KCND2: variants seen among roughly 807,000 people sequenced by gnomAD.
KCND2 encodes A-type voltage-gated potassium channel KCND2.
A neutral mutation model predicts 54.4 loss-of-function variants in KCND2; 16 were observed. That is an observed-to-expected ratio of 0.29 (90% CI 0.20 to 0.45). The LOEUF (loss-of-function observed/expected upper bound fraction) is 0.45. Among genes scored for constraint, KCND2 ranks in the 20% least tolerant of loss-of-function variants. The pLI, the probability that KCND2 is intolerant of heterozygous loss-of-function variation, is 1.00. For synonymous variants in KCND2, 317 were observed against 310.7 expected (o/e 1.02, Z -0.21); for missense variants, 486 against 824.2 (o/e 0.59, Z 5.02).
At chr7:120,568,374 G>C (rs1344013793) in intron 1 of KCND2, among the ~76,000 whole-genome samples, 1 of 151,894 alleles carries the variant, frequency 6.6e-6, no homozygotes, top group Non-Finnish European at 1.5e-5. Context: ...TCATTATTAG[G>C]ATAAAAGACC....
Position 120,353,133 on chromosome 7 carries a change from C to CTTTTTTTTTTTTTTTTTTTT in KCND2, c.1115+77392_1115+77411dup, listed in dbSNP as rs72353278. ...TAACAATGTGAGATAAATACTTTTACTTTTTTTTTTTTTTTTTTTTTTTTT... is the reference window on the plus strand; with the variant it reads ...TAACAATGTGAGATAAATACTTTTACTTTTTTTTTTTTTTTTTTTTTTTTTTTTTTTTTTTTTTTTTTTTT... On this transcript the variant is annotated intron_variant, in intron 1 of 5. Coordinates refer to ENST00000331113, the MANE Select transcript of KCND2 (RefSeq NM_012281.3). Among the ~76,000 whole-genome samples, 2 of 91,794 alleles carry CTTTTTTTTTTTTTTTTTTTT rather than the reference C, an allele frequency of 2.2e-5. 1 individual carries two copies. 60.2% of individuals were successfully genotyped at this position (91,794 alleles called of 152,430 possible). A position where few individuals can be genotyped will look rare whatever the true frequency, so the allele number is the denominator to read the frequency against.
intron 1 of KCND2, among the ~76,000 whole-genome samples, chr7:120,390,822 C>G (rs1418642934): frequency 1.3e-5 from 2 of 152,022 alleles, no homozygotes; most frequent in African/African-American, 4.8e-5. Flanking sequence ...TGTTTCTTCC[C>G]TATGAATCCA....
intron 1 of KCND2, among the ~76,000 whole-genome samples, chr7:120,523,641 C>G (rs1791729274): frequency 6.8e-6 from 1 of 146,294 alleles, no homozygotes; most frequent in Non-Finnish European, 1.5e-5. Context: ...TATGTATATA[C>G]AATACATACA....
At chr7:120,644,470 T>G (rs76649416) in intron 1 of KCND2, among the ~76,000 whole-genome samples, 1,704 of 152,206 alleles carry the variant, frequency 0.011, 10 homozygotes, top group Non-Finnish European at 0.015. Context: ...CTCTAGAAAA[T>G]AACAAACTAC....
intron 1 of KCND2, among the ~76,000 whole-genome samples, chr7:120,635,303 C>A (rs1381319606): frequency 6.6e-6 from 1 of 152,148 alleles, no homozygotes; most frequent in African/African-American, 2.4e-5. Flanking sequence ...ATTCAGTTGT[C>A]TGGGATAGGA....
At chr7:120,355,352 GC>G (rs930091763) in intron 1 of KCND2, among the ~76,000 whole-genome samples, 46 of 152,178 alleles carry the variant, frequency 3.0e-4, no homozygotes, top group Non-Finnish European at 2.8e-4. Context: ...TTCAAGACTA[GC>G]CTGGCCAATA....
At chr7:120,599,266 C>G (rs1410254678) in intron 1 of KCND2, among the ~76,000 whole-genome samples, 2 of 152,024 alleles carry the variant, frequency 1.3e-5, no homozygotes, top group African/African-American at 4.8e-5. Context: ...CTCTAACCTT[C>G]TTCTTGTTCA....
intron 1 of KCND2, among the ~76,000 whole-genome samples, chr7:120,384,524 C>T (rs1249404506): frequency 6.6e-6 from 1 of 152,108 alleles, no homozygotes; most frequent in Non-Finnish European, 1.5e-5. Context: ...ACTTGAGTTT[C>T]TGTAATTATG....
intron 1 of KCND2, among the ~76,000 whole-genome samples, chr7:120,728,132 C>CAA (rs571232607): frequency 3.8e-4 from 18 of 46,822 alleles, no homozygotes; most frequent in African/African-American, 9.0e-4. Context: ...GATTCCGTCT[C>CAA]AAAAAAAAAA....
intron 1 of KCND2, among the ~76,000 whole-genome samples, chr7:120,438,298 G>T (rs139490567): frequency 6.6e-6 from 1 of 152,250 alleles, no homozygotes; most frequent in African/African-American, 2.4e-5. Context: ...TGGCCATGGG[G>T]ATGTAACAGT....
In KCND2 at chr7:120,569,374, C is replaced by T. The variant is rs574346374; in HGVS notation, c.1116-163529C>T. On this transcript the variant is annotated intron_variant, in intron 1 of 5. Coordinates refer to ENST00000331113, the MANE Select transcript of KCND2 (RefSeq NM_012281.3). ...AAATTATCTAATTATTTCCTGATTG[C>T]GTCTCCTTACTTACATAAAGTAAAA... 1.2e-4 allele frequency among the ~76,000 whole-genome samples: 19 copies of T among 152,202 alleles called. No homozygotes were observed. In the South Asian group the frequency reaches 2.3e-3, roughly 18 times the overall value.
chr7:120,519,037 T>C (rs1803241446), intron 1 of KCND2, among the ~76,000 whole-genome samples: 1 of 151,992 alleles, frequency 6.6e-6, no homozygotes, highest in South Asian at 2.1e-4. Flanking sequence ...ATACAGAATA[T>C]GGTGGCCTTG....
chr7:120,677,056 C>A (rs1438832071), intron 1 of KCND2, among the ~76,000 whole-genome samples: 1 of 152,104 alleles, frequency 6.6e-6, no homozygotes, highest in African/African-American at 2.4e-5. Flanking sequence ...AGTGTGTAAT[C>A]ACAGTAACTT....
At chr7:120,595,140 C>T (rs955624922) in intron 1 of KCND2, among the ~76,000 whole-genome samples, 4 of 151,962 alleles carry the variant, frequency 2.6e-5, no homozygotes, top group Admixed American at 2.6e-4. Flanking sequence ...CACATGCATC[C>T]ATCTCAGTTC....
intron 1 of KCND2, among the ~76,000 whole-genome samples, chr7:120,354,698 C>A (rs562885171): frequency 1.1e-4 from 17 of 152,174 alleles, no homozygotes; most frequent in Non-Finnish European, 2.4e-4. Context: ...ATGCAGTGAG[C>A]TATGATGGCG....
intron 1 of KCND2, among the ~76,000 whole-genome samples, chr7:120,515,885 A>G (rs1177440008): frequency 6.6e-6 from 1 of 152,120 alleles, no homozygotes; most frequent in East Asian, 1.9e-4. Context: ...GAAGAAGAAG[A>G]AAGAGAAGGA....
chr7:120,351,244 GTATATA>G (rs3067025), intron 1 of KCND2, among the ~76,000 whole-genome samples: 6 of 137,350 alleles, frequency 4.4e-5, no homozygotes, highest in Non-Finnish European at 7.7e-5. Flanking sequence ...TTATATGTGT[GTATATA>G]TATATATATA....
intron 1 of KCND2, among the ~76,000 whole-genome samples, chr7:120,566,678 G>A (rs958177648): frequency 6.6e-6 from 1 of 151,982 alleles, no homozygotes; most frequent in African/African-American, 2.4e-5. Context: ...TACTATTTTT[G>A]TAAGGGTCGC....
At chr7:120,351,072 C>A (rs1045387421) in intron 1 of KCND2, among the ~76,000 whole-genome samples, 11 of 151,394 alleles carry the variant, frequency 7.3e-5, no homozygotes, top group African/African-American at 2.2e-4. Flanking sequence ...GAATTATTAT[C>A]TACATTAAAT....
Sources: allele counts gnomAD v4.1 joint callset (sites outside exome capture counted in the v4.1 genomes callset), GRCh38; gene constraint gnomAD v4.1.1; transcripts MANE v1.5; gene names NCBI Gene and HGNC (gene_info 2026-07-23, HGNC 2026-07-21).